RSRC1: variants seen among roughly 807,000 people sequenced by gnomAD.
The protein encoded by RSRC1 is arginine and serine rich coiled-coil 1.
A neutral mutation model predicts 49.1 loss-of-function variants in RSRC1; 39 were observed. That is an observed-to-expected ratio of 0.79 (90% confidence interval 0.61 to 1.04). The LOEUF (loss-of-function observed/expected upper bound fraction) is 1.04, where lower values mean the gene tolerates loss of function less well. RSRC1 is among the 50% of genes least tolerant of loss of function. RSRC1 has a pLI of 0.00. For missense variants in RSRC1, 388 were observed against 402.4 expected, an observed-to-expected ratio of 0.96 and a Z score of 0.31; for synonymous variants, 143 against 130.8, an observed-to-expected ratio of 1.09 and a Z score of -0.63.
chr3:158,457,102 T>G (rs1185559896), intron 6 of RSRC1, among the ~76,000 whole-genome samples: 1 of 152,200 alleles, frequency 6.6e-6, no homozygotes, highest in East Asian at 1.9e-4. Flanking sequence ...CTAAACATGT[T>G]CCTCATTCTG....
chr3:158,306,243 C>T (rs1464266550), intron 5 of RSRC1, among the ~76,000 whole-genome samples: 2 of 151,868 alleles, frequency 1.3e-5, no homozygotes, highest in Non-Finnish European at 1.5e-5. Context: ...CTGTATCCTT[C>T]TCTGTTTTCA....
At chr3:158,321,312 TTCC>T (rs1728747682) in intron 5 of RSRC1, among the ~76,000 whole-genome samples, 2 of 151,876 alleles carry the variant, frequency 1.3e-5, no homozygotes, top group African/African-American at 4.8e-5. Flanking sequence ...CTTCCTCTTC[TTCC>T]TCTTCTTCTT....
At position 158,406,215 on chromosome 3, in the gene RSRC1, T is replaced by G. The variant is rs1344941492; in HGVS notation, c.583+51307T>G. Among the ~76,000 whole-genome samples the G allele has an allele frequency of 2.0e-5, 3 of 152,130 alleles. No homozygotes were observed. The East Asian group carries it at 5.8e-4, about 29-fold the overall frequency. On this transcript the variant is annotated intron_variant, in intron 6 of 9. Transcript: ENST00000611884. ...TAAGCTTATTATAAAATTATTTTCT[T>G]AAAATGTTCTCACAATTTTTTAACT...
intron 7 of RSRC1, among the ~76,000 whole-genome samples, chr3:158,510,673 A>C (rs1359253782): frequency 6.6e-6 from 1 of 152,180 alleles, no homozygotes; most frequent in Admixed American, 6.5e-5. Context: ...TATACTTTTT[A>C]AGCTATTTTT....
chr3:158,128,013 G>A (rs1168586584), intron 3 of RSRC1, among the ~76,000 whole-genome samples: 1 of 152,154 alleles, frequency 6.6e-6, no homozygotes, highest in Non-Finnish European at 1.5e-5. Flanking sequence ...CAAGTTGGAT[G>A]TCTTTTCTCA....
intron 3 of RSRC1, among the ~76,000 whole-genome samples, chr3:158,124,336 A>G (rs1040678346): frequency 2.0e-5 from 3 of 152,036 alleles, no homozygotes; most frequent in Admixed American, 1.3e-4. Flanking sequence ...GTATTTTGTT[A>G]AGGATTTTTG....
chr3:158,183,793 G>C (rs1046330579), intron 3 of RSRC1, among the ~76,000 whole-genome samples: 1 of 152,032 alleles, frequency 6.6e-6, no homozygotes, highest in African/African-American at 2.4e-5. Flanking sequence ...GCATGCACCT[G>C]TAGTCCTAGC....
At chr3:158,424,503 G>C (rs563159909) in intron 6 of RSRC1, among the ~76,000 whole-genome samples, 1 of 150,078 alleles carries the variant, frequency 6.7e-6, no homozygotes, top group Middle Eastern at 3.2e-3. Flanking sequence ...GAGGATTTTT[G>C]CATCAATGTT....
At chr3:158,362,939 C>T (rs1453631167) in intron 6 of RSRC1, among the ~76,000 whole-genome samples, 5 of 152,208 alleles carry the variant, frequency 3.3e-5, no homozygotes, top group African/African-American at 9.6e-5. Flanking sequence ...AGAATTGACA[C>T]ATGCACCTTT....
At chr3:158,427,214 A>G (rs1182459167) in intron 6 of RSRC1, among the ~76,000 whole-genome samples, 1 of 151,832 alleles carries the variant, frequency 6.6e-6, no homozygotes, top group Non-Finnish European at 1.5e-5. Flanking sequence ...AAAGGAGGCT[A>G]GACTGAAGTA....
chr3:158,147,496 C>T (rs994141923), intron 3 of RSRC1, among the ~76,000 whole-genome samples: 21 of 146,940 alleles, frequency 1.4e-4, no homozygotes, highest in African/African-American at 5.4e-4. Context: ...ATCTATGTTC[C>T]ATATCTTTAA....
chr3:158,341,673 A>G (rs974498701), intron 5 of RSRC1, among the ~76,000 whole-genome samples: 2 of 152,174 alleles, frequency 1.3e-5, no homozygotes, highest in African/African-American at 4.8e-5. Context: ...CCCCACACAG[A>G]GTCCCTAGTG....
At chr3:158,146,581 T>A (rs566383940) in intron 3 of RSRC1, among the ~76,000 whole-genome samples, 18 of 152,312 alleles carry the variant, frequency 1.2e-4, no homozygotes, top group Non-Finnish European at 2.4e-4. Flanking sequence ...GATATAGGTC[T>A]AAAATTCTCT....
At chr3:158,163,507 AT>A (rs1174792161) in intron 3 of RSRC1, among the ~76,000 whole-genome samples, 13 of 151,844 alleles carry the variant, frequency 8.6e-5, no homozygotes, top group Non-Finnish European at 1.5e-4. Flanking sequence ...GTTCTCATAG[AT>A]CTATTTATAT....
rs147504702 is a variant in RSRC1 at position 158,473,145 on chromosome 3, C to A, written c.652+12142C>A. 2.3e-3 allele frequency among the ~76,000 whole-genome samples: 351 copies of A among 152,192 alleles called. 1 individual carries two copies. Among genetic ancestry groups the A allele is most frequent in the African/African-American group, 8.1e-3 (338 of 41,514 alleles). ...TCTAGAACTAGAAATACCATATGAC[C>A]CAGCTATCCCATTACTGGGTATATA... On this transcript the variant is annotated intron_variant, in intron 7 of 9. Coordinates refer to ENST00000611884, the MANE Select transcript of RSRC1 (RefSeq NM_001271838.2).
intron 6 of RSRC1, among the ~76,000 whole-genome samples, chr3:158,382,905 A>G (rs958142963): frequency 1.3e-5 from 2 of 152,182 alleles, no homozygotes; most frequent in African/African-American, 4.8e-5. Flanking sequence ...TCACCCCTAC[A>G]AAGAGCTAAT....
chr3:158,231,083 A>G (rs970809564), intron 4 of RSRC1, among the ~76,000 whole-genome samples: 2 of 140,024 alleles, frequency 1.4e-5, no homozygotes, highest in Admixed American at 7.4e-5. Flanking sequence ...GTTAGCCTAA[A>G]TCTGTTGTCC....
At chr3:158,400,641 G>C (rs1167581822) in intron 6 of RSRC1, among the ~76,000 whole-genome samples, 2 of 151,818 alleles carry the variant, frequency 1.3e-5, no homozygotes, top group Admixed American at 6.6e-5. Context: ...TAATAAAAAA[G>C]GTTAACACAT....
chr3:158,236,507 G>A (rs541909123), intron 4 of RSRC1, among the ~76,000 whole-genome samples: 73 of 152,276 alleles, frequency 4.8e-4, no homozygotes, highest in Admixed American at 2.6e-3. Flanking sequence ...CAACTGCTCT[G>A]ATTTCACTTA....
Sources: allele counts gnomAD v4.1 joint callset (sites outside exome capture counted in the v4.1 genomes callset), GRCh38; gene constraint gnomAD v4.1.1; transcripts MANE v1.5; gene names NCBI Gene and HGNC (gene_info 2026-07-23, HGNC 2026-07-21).